XPR1: variants seen among roughly 807,000 people sequenced by gnomAD.
The protein encoded by XPR1 is xenotropic and polytropic retrovirus receptor 1.
A neutral mutation model predicts 87.5 loss-of-function variants in XPR1; 28 were observed. That is an observed-to-expected ratio of 0.32 (90% CI 0.24 to 0.44). The LOEUF (loss-of-function observed/expected upper bound fraction) is 0.44, where lower values mean the gene tolerates loss of function less well. Ranked by LOEUF, XPR1 falls within the 20% of genes least tolerant of loss-of-function variation. The pLI, the probability that XPR1 is intolerant of heterozygous loss-of-function variation, is 1.00. For synonymous variants in XPR1, 300 were observed against 306.1 expected, an observed-to-expected ratio of 0.98 and a Z score of 0.21; for missense variants, 559 against 862.3, an observed-to-expected ratio of 0.65 and a Z score of 4.41.
At position 180,644,453 on chromosome 1, in the gene XPR1, G is replaced by A. The variant is rs115392086; in HGVS notation, c.69+12183G>A. 7.5e-3 allele frequency among the ~76,000 whole-genome samples: 1,100 copies of A among 147,290 alleles called. 11 individuals carry two copies. The highest frequency in any genetic ancestry group is 0.025 in the African/African-American group (1,000 of 39,892). On this transcript the variant is annotated intron_variant, in intron 1 of 14. Coordinates refer to ENST00000367590, the MANE Select transcript of XPR1 (RefSeq NM_004736.4). Reference sequence around the variant, plus strand: ...GTTAATACTACTGATACTGGTCTGTGACTTTTTTTTTTAACTTTGCATCTA... The same window carrying A: ...GTTAATACTACTGATACTGGTCTGTAACTTTTTTTTTTAACTTTGCATCTA...
At chr1:180,789,686 C>T (rs1365728454) in intron 3 of XPR1, among the ~76,000 whole-genome samples, 1 of 151,898 alleles carries the variant, frequency 6.6e-6, no homozygotes, top group Admixed American at 6.6e-5. Context: ...TTCCTAAGTG[C>T]TAGCATTATA....
intron 13 of XPR1, among the ~76,000 whole-genome samples, chr1:180,878,670 C>T (rs1467181476): frequency 6.6e-6 from 1 of 152,162 alleles, no homozygotes; most frequent in Admixed American, 6.5e-5. Context: ...TAGACAGTCT[C>T]CCAGAGCCTG....
intron 13 of XPR1, among the ~76,000 whole-genome samples, chr1:180,875,970 G>T (rs1652651140): frequency 7.1e-6 from 1 of 139,932 alleles, no homozygotes; most frequent in South Asian, 2.1e-4. Flanking sequence ...TGAAAAAGCA[G>T]TGTGCCAAAA....
chr1:180,670,902 A>G (rs566932626), intron 1 of XPR1, among the ~76,000 whole-genome samples: 1 of 152,280 alleles, frequency 6.6e-6, no homozygotes, highest in South Asian at 2.1e-4. Context: ...TTTCTCTTTT[A>G]GTACTTTGAC....
intron 2 of XPR1, among the ~76,000 whole-genome samples, chr1:180,692,788 T>C (rs1571730880): frequency 2.0e-5 from 3 of 152,324 alleles, no homozygotes; most frequent in Non-Finnish European, 2.9e-5. Flanking sequence ...TGACGTTAGA[T>C]AATGATATAA....
At chr1:180,644,455 CT>C (rs1159113794) in intron 1 of XPR1, among the ~76,000 whole-genome samples, 17 of 138,738 alleles carry the variant, frequency 1.2e-4, no homozygotes, top group Admixed American at 2.2e-4. Context: ...TGGTCTGTGA[CT>C]TTTTTTTTTA....
chr1:180,793,453 TTAAAC>T (rs369728519), intron 3 of XPR1, among the ~76,000 whole-genome samples: 90 of 152,164 alleles, frequency 5.9e-4, no homozygotes, highest in African/African-American at 2.1e-3. Flanking sequence ...ATGCATGTAT[TTAAAC>T]TATGACTTAA....
chr1:180,677,161 A>T (rs1164274169), intron 1 of XPR1, among the ~76,000 whole-genome samples: 1 of 152,214 alleles, frequency 6.6e-6, no homozygotes, highest in African/African-American at 2.4e-5. Flanking sequence ...TTAAGATGCT[A>T]GCTGCAAATG....
At position 180,873,844 on chromosome 1, in the gene XPR1, C is replaced by T; in HGVS notation, c.1710C>T (p.Arg570=). ...CCATAATAGAGGATGTGATTCTGCGCTTTGCTTGGACTATCCAAATCTCGA... is the reference window on the plus strand; with the variant it reads ...CCATAATAGAGGATGTGATTCTGCGTTTTGCTTGGACTATCCAAATCTCGA... ...YCAIIEDVIL[R]FAWTIQISIT... The change falls in exon 13 of 15, where the codon CGC becomes CGT. Residue 570 remains arginine (R), a synonymous_variant. Transcript: ENST00000367590. 6.2e-7 allele frequency: 1 copy of T among 1,614,154 alleles called. No individual in the cohort carries two copies. Among genetic ancestry groups the T allele is most frequent in the Non-Finnish European group, 8.5e-7 (1 of 1,180,030 alleles).
intron 3 of XPR1, 24 bp downstream of exon 3, chr1:180,787,878 T>C: frequency 6.5e-7 from 1 of 1,530,586 alleles, no homozygotes; most frequent in Non-Finnish European, 9.0e-7. Context: ...AGACTTTTTT[T>C]TTTGCTGCCG....
chr1:180,711,013 A>G (rs1371598373), intron 2 of XPR1, among the ~76,000 whole-genome samples: 1 of 131,538 alleles, frequency 7.6e-6, no homozygotes, highest in African/African-American at 2.9e-5. Flanking sequence ...CACTTCTCAG[A>G]CGGGTGGCTG....
intron 1 of XPR1, among the ~76,000 whole-genome samples, chr1:180,670,246 A>G (rs973668727): frequency 6.6e-6 from 1 of 152,172 alleles, no homozygotes; most frequent in African/African-American, 2.4e-5. Context: ...TTACTGATAC[A>G]AGGTGTAATT....
At chr1:180,875,217 A>G (rs937045971) in intron 13 of XPR1, among the ~76,000 whole-genome samples, 1 of 152,216 alleles carries the variant, frequency 6.6e-6, no homozygotes, top group Non-Finnish European at 1.5e-5. Context: ...AAATTTTAAA[A>G]TATTTTGAGT....
intron 2 of XPR1, among the ~76,000 whole-genome samples, chr1:180,694,766 G>C (rs1167008589): frequency 8.8e-6 from 1 of 113,300 alleles, no homozygotes. Context: ...ACTCCTGATT[G>C]TTGTGTGCAC....
chr1:180,761,500 G>T (rs1464174382), intron 2 of XPR1, among the ~76,000 whole-genome samples: 1 of 152,074 alleles, frequency 6.6e-6, no homozygotes, highest in Admixed American at 6.5e-5. Context: ...CATTTATGCA[G>T]CCAAAAAACA....
chr1:180,642,412 C>T (rs1261127891), intron 1 of XPR1, among the ~76,000 whole-genome samples: 1 of 151,758 alleles, frequency 6.6e-6, no homozygotes, highest in Non-Finnish European at 1.5e-5. Context: ...ATGACTGTCC[C>T]CTTTCTTTTT....
intron 2 of XPR1, among the ~76,000 whole-genome samples, chr1:180,784,840 G>A (rs1429924230): frequency 6.6e-6 from 1 of 151,910 alleles, no homozygotes; most frequent in Non-Finnish European, 1.5e-5. Context: ...TCTTTTTGCT[G>A]TGTTTTTCTC....
intron 11 of XPR1, among the ~76,000 whole-genome samples, chr1:180,843,697 TAA>T (rs557074080): frequency 7.1e-6 from 1 of 141,638 alleles, no homozygotes. Flanking sequence ...GAAAAGTCTT[TAA>T]AAAAAAAAAA....
chr1:180,735,338 A>G (rs1478211354), intron 2 of XPR1, among the ~76,000 whole-genome samples: 2 of 152,206 alleles, frequency 1.3e-5, no homozygotes, highest in Non-Finnish European at 2.9e-5. Context: ...AATATTAGCT[A>G]AATAATTAAT....
Sources: allele counts gnomAD v4.1 joint callset (sites outside exome capture counted in the v4.1 genomes callset), GRCh38; gene constraint gnomAD v4.1.1; transcripts MANE v1.5; gene names NCBI Gene and HGNC (gene_info 2026-07-23, HGNC 2026-07-21).